The following PLCG2 variants were observed in gnomAD, a reference collection of about 807,000 sequenced individuals.
PLCG2 encodes the protein 1-phosphatidylinositol 4,5-bisphosphate phosphodiesterase gamma-2.
PLCG2 carries 69 observed loss-of-function variants against 175.6 expected under a neutral mutation model. The ratio of observed to expected loss-of-function variants is 0.39; its 90% CI spans 0.32 to 0.48. The LOEUF (loss-of-function observed/expected upper bound fraction) is 0.48. Among genes scored for constraint, PLCG2 ranks in the 20% least tolerant of loss-of-function variants. PLCG2 has a pLI of 0.91. For synonymous variants in PLCG2, 827 were observed against 624.0 expected (o/e 1.33, Z -4.85); for missense variants, 1,798 against 1,650.9 (o/e 1.09, Z -1.54).
rs1029383543 is a variant in PLCG2 at position 81,804,310 on chromosome 16, A to C, written c.193+18128A>C. Among the ~76,000 whole-genome samples, 68 of 152,192 alleles carry C rather than the reference A, an allele frequency of 4.5e-4. 2 individuals are homozygous for C. The highest frequency in any genetic ancestry group is 6.5e-5 in the Admixed American group (1 of 15,282). Reference sequence around the variant, plus strand: ...CATTTTCCTGATTGCTCATTGCTCTATCTTAAATAGTTGATGTAATAATTT... The same window carrying C: ...CATTTTCCTGATTGCTCATTGCTCTCTCTTAAATAGTTGATGTAATAATTT... On this transcript the variant is annotated intron_variant, in intron 2 of 32. Coordinates refer to ENST00000564138, the MANE Select transcript of PLCG2 (RefSeq NM_002661.5).
intron 2 of PLCG2, among the ~76,000 whole-genome samples, chr16:81,833,394 G>T (rs993920945): frequency 1.3e-5 from 2 of 152,018 alleles, no homozygotes; most frequent in Non-Finnish European, 2.9e-5. Flanking sequence ...TCCTGAGCCA[G>T]TATTCTGGCC....
intron 2 of PLCG2, among the ~76,000 whole-genome samples, chr16:81,845,944 C>A (rs1282304221): frequency 6.6e-6 from 1 of 152,218 alleles, no homozygotes; most frequent in South Asian, 2.1e-4. Flanking sequence ...GGCCAAGGTA[C>A]TTCACTTCTC....
chr16:81,749,314 A>G (rs978955687), intron 1 of PLCG2, among the ~76,000 whole-genome samples: 10 of 152,184 alleles, frequency 6.6e-5, no homozygotes, highest in Non-Finnish European at 1.2e-4. Context: ...TATATGCCTT[A>G]AACAAACTAA....
At chr16:81,932,036 TGAGCTCACCTGCCTG>T (rs1393465700) in intron 25 of PLCG2, among the ~76,000 whole-genome samples, 6 of 152,232 alleles carry the variant, frequency 3.9e-5, no homozygotes, top group Non-Finnish European at 5.9e-5. Context: ...AAACGTTCAC[TGAGCTCACCTGCCTG>T]GAGCTGGAAT....
At chr16:81,839,438 A>T (rs900123186) in intron 2 of PLCG2, among the ~76,000 whole-genome samples, 2 of 152,234 alleles carry the variant, frequency 1.3e-5, no homozygotes, top group African/African-American at 4.8e-5. Context: ...AAAGAAAAGC[A>T]GAATTAGCCT....
intron 30 of PLCG2, among the ~76,000 whole-genome samples, chr16:81,943,050 C>T (rs988987930): frequency 3.9e-5 from 6 of 152,106 alleles, no homozygotes; most frequent in Middle Eastern, 3.2e-3. Flanking sequence ...AAGAGGCACA[C>T]GCCTAGTGTC....
intron 2 of PLCG2, among the ~76,000 whole-genome samples, chr16:81,849,025 T>C (rs772698762): frequency 3.3e-5 from 5 of 151,996 alleles, no homozygotes; most frequent in Non-Finnish European, 7.3e-5. Flanking sequence ...GGAATGAGTG[T>C]GACCTATAAG....
intron 1 of PLCG2, among the ~76,000 whole-genome samples, chr16:81,753,342 G>GTTTT (rs34438350): frequency 1.2e-4 from 11 of 91,118 alleles, no homozygotes; most frequent in South Asian, 4.0e-4. Context: ...GTCCTGGCAG[G>GTTTT]TTTTTTTTTT....
At chr16:81,843,810 A>T (rs1905961205) in intron 2 of PLCG2, among the ~76,000 whole-genome samples, 1 of 152,240 alleles carries the variant, frequency 6.6e-6, no homozygotes, top group Non-Finnish European at 1.5e-5. Flanking sequence ...AAATGCTGGG[A>T]TGAAAGAAGA....
Position 81,961,256 on chromosome 16 carries a change from T to C in PLCG2, c.*3258T>C, listed in dbSNP as rs1911767765. 1 of 225,446 alleles carries C rather than the reference T, an allele frequency of 4.4e-6. No individual in the cohort carries two copies. Among genetic ancestry groups the C allele is most frequent in the South Asian group, 1.8e-4 (1 of 5,464 alleles). The allele number at this position is 225,446 out of a possible 1,614,324, so 14.0% of individuals were successfully genotyped here. A position where few individuals can be genotyped will look rare whatever the true frequency, so the allele number is the denominator to read the frequency against. ...GTGTGAACAAGGATCAACATCTCCA[T>C]AAATGAAATTGAAAACGGAAAATAG... On this transcript the variant is annotated 3_prime_UTR_variant, in exon 33 of 33. Transcript: ENST00000564138.
intron 5 of PLCG2, among the ~76,000 whole-genome samples, chr16:81,859,811 C>T (rs1471718922): frequency 6.6e-6 from 1 of 152,138 alleles, no homozygotes; most frequent in Non-Finnish European, 1.5e-5. Context: ...CCTGGGATTA[C>T]AGGCATGAGC....
At chr16:81,790,665 G>A (rs1021022399) in intron 2 of PLCG2, among the ~76,000 whole-genome samples, 18 of 152,212 alleles carry the variant, frequency 1.2e-4, no homozygotes, top group Admixed American at 6.5e-5. Context: ...CAAATGGTGT[G>A]TGACTTTTGG....
In PLCG2 at chr16:81,919,484, G is replaced by A. The variant is rs762901904; in HGVS notation, c.2055G>A (p.Arg685=). The change falls in exon 20 of 33, where the codon AGG becomes AGA. Residue 685 remains arginine (R), a splice_region_variant and synonymous_variant. Transcript: ENST00000564138. Reference sequence around the variant, plus strand: ...CAACCCTGTGTTCTTCCTGCTCCAGGGCTAGGGGCAAGGTAAAGCATTGTC... The same window carrying A: ...CAACCCTGTGTTCTTCCTGCTCCAGAGCTAGGGGCAAGGTAAAGCATTGTC... The part of the protein sequence containing the change: ...EGSDSYAITF[R]ARGKVKHCRI... 78 of 1,612,810 alleles carry A rather than the reference G, an allele frequency of 4.8e-5. No homozygotes were observed. The highest frequency in any genetic ancestry group is 6.4e-5 in the Non-Finnish European group (76 of 1,179,260).
chr16:81,935,743 C>A, intron 26 of PLCG2: 1 of 985,360 alleles, frequency 1.0e-6, no homozygotes, highest in Non-Finnish European at 1.2e-6. Context: ...CACATTGCAA[C>A]CCTACCTGTG....
chr16:81,954,012 A>C (rs1911468450), intron 31 of PLCG2, among the ~76,000 whole-genome samples: 1 of 152,060 alleles, frequency 6.6e-6, no homozygotes, highest in African/African-American at 2.4e-5. Flanking sequence ...TTAAGACTTA[A>C]ATGGGGTTTT....
At chr16:81,853,147 AT>A in intron 2 of PLCG2, among the ~76,000 whole-genome samples, 1 of 152,188 alleles carries the variant, frequency 6.6e-6, no homozygotes, top group Non-Finnish European at 1.5e-5. Flanking sequence ...CCTGGCCAAC[AT>A]GATGAAACCC....
intron 2 of PLCG2, among the ~76,000 whole-genome samples, chr16:81,810,830 T>C (rs1421578414): frequency 2.0e-5 from 3 of 152,196 alleles, no homozygotes; most frequent in Admixed American, 6.5e-5. Context: ...ATCGACCTTA[T>C]TGTTTAGTGG....
intron 31 of PLCG2, 42 bp downstream of exon 31, chr16:81,946,305 C>T (rs1240587136): frequency 9.0e-6 from 13 of 1,443,682 alleles, no homozygotes; most frequent in South Asian, 2.3e-5. Flanking sequence ...TGAGCTATGC[C>T]TGCTGGTGAG....
Position 81,945,503 on chromosome 16 carries a change from C to T in PLCG2, c.3482-672C>T, listed in dbSNP as rs866162849. Among the ~76,000 whole-genome samples, 9 of 152,330 alleles carry T rather than the reference C, an allele frequency of 5.9e-5. No individual in the cohort carries two copies. In the South Asian group the frequency reaches 1.0e-3, roughly 18 times the overall value. On this transcript the variant is annotated intron_variant, in intron 30 of 32. Transcript: ENST00000564138. ...GGTGGGAGTGACCGTTCTGTTTCAG[C>T]CCTGTGTTCTTTTATACTAAAACAA...
Sources: allele counts gnomAD v4.1 joint callset (sites outside exome capture counted in the v4.1 genomes callset), GRCh38; gene constraint gnomAD v4.1.1; transcripts MANE v1.5; gene names NCBI Gene and HGNC (gene_info 2026-07-23, HGNC 2026-07-21).